The following FAR2 variants were observed in gnomAD, a reference collection of about 807,000 sequenced individuals.
FAR2 encodes fatty acyl-CoA reductase 2.
In FAR2, 19 loss-of-function variants were observed where a neutral mutation model predicts 56.0. The ratio of observed to expected loss-of-function variants is 0.34; its 90% confidence interval spans 0.24 to 0.50. The LOEUF is 0.50. Among genes scored for constraint, FAR2 ranks in the 20% least tolerant of loss-of-function variants. FAR2 has a pLI of 0.98. For missense variants in FAR2, 508 were observed against 642.2 expected, an observed-to-expected ratio of 0.79 and a Z score of 2.26; for synonymous variants, 219 against 218.8, an observed-to-expected ratio of 1.00 and a Z score of -0.01.
At chr12:29,244,063 G>A (rs1380845095) in intron 1 of FAR2, among the ~76,000 whole-genome samples, 1 of 152,214 alleles carries the variant, frequency 6.6e-6, no homozygotes, top group African/African-American at 2.4e-5. Flanking sequence ...CTATTGTGGT[G>A]ATAGTAGACA....
At chr12:29,226,217 T>C (rs1389945279) in intron 1 of FAR2, among the ~76,000 whole-genome samples, 1 of 152,246 alleles carries the variant, frequency 6.6e-6, no homozygotes. Context: ...AAGTTAGATA[T>C]CATTCCGGTT....
chr12:29,264,951 A>G (rs1223802292), intron 1 of FAR2, among the ~76,000 whole-genome samples: 1 of 152,140 alleles, frequency 6.6e-6, no homozygotes, highest in Non-Finnish European at 1.5e-5. Context: ...AAAATTAAAT[A>G]CCTACAAATT....
chr12:29,326,185 T>G (rs1459805622), intron 10 of FAR2, among the ~76,000 whole-genome samples: 1 of 152,046 alleles, frequency 6.6e-6, no homozygotes. Context: ...ACATACACCC[T>G]CCCAAGACTA....
intron 1 of FAR2, among the ~76,000 whole-genome samples, chr12:29,264,582 G>A (rs1187256426): frequency 6.6e-6 from 1 of 150,584 alleles, no homozygotes; most frequent in Non-Finnish European, 1.5e-5. Context: ...TGAGACCAGT[G>A]TGCAGTGTGG....
intron 1 of FAR2, among the ~76,000 whole-genome samples, chr12:29,232,557 G>C (rs1370658675): frequency 6.6e-6 from 1 of 151,972 alleles, no homozygotes; most frequent in Non-Finnish European, 1.5e-5. Flanking sequence ...ATCAAATAGA[G>C]GTTGTTCATT....
chr12:29,217,724 C>A (rs1024863128), intron 1 of FAR2, among the ~76,000 whole-genome samples: 1 of 152,156 alleles, frequency 6.6e-6, no homozygotes, highest in Non-Finnish European at 1.5e-5. Flanking sequence ...AATATATTTA[C>A]TCCCCTTTAT....
intron 1 of FAR2, among the ~76,000 whole-genome samples, chr12:29,239,452 C>G (rs367938521): frequency 1.4e-5 from 2 of 147,834 alleles, no homozygotes; most frequent in African/African-American, 2.5e-5. Context: ...AATGAATCAA[C>G]TGTGTGTGTG....
At position 29,232,374 on chromosome 12, in the gene FAR2, G is replaced by A. The variant is rs150863034; in HGVS notation, c.-38-38038G>A. ...TTAGTCATCTGTCCTTCCCCCACTC[G>A]CATCTTCATGTTCTTTTTTAATTTT... On this transcript the variant is annotated intron_variant, in intron 1 of 11. Coordinates refer to ENST00000536681, the MANE Select transcript of FAR2 (RefSeq NM_001271783.2). 1.7e-3 allele frequency among the ~76,000 whole-genome samples: 254 copies of A among 152,052 alleles called. 2 individuals are homozygous for A. Among genetic ancestry groups the A allele is most frequent in the African/African-American group, 5.7e-3 (236 of 41,468 alleles).
intron 9 of FAR2, among the ~76,000 whole-genome samples, chr12:29,318,519 A>G (rs567993866): frequency 1.2e-4 from 19 of 152,272 alleles, no homozygotes; most frequent in African/African-American, 4.1e-4. Flanking sequence ...ATTTGTGGGA[A>G]ATGGGTTGGT....
chr12:29,196,042 A>C (rs1950140906), intron 1 of FAR2, among the ~76,000 whole-genome samples: 1 of 152,146 alleles, frequency 6.6e-6, no homozygotes, highest in African/African-American at 2.4e-5. Context: ...TCATTTTTTT[A>C]TGGCCAAATA....
intron 1 of FAR2, among the ~76,000 whole-genome samples, chr12:29,180,220 A>G (rs1949979181): frequency 6.6e-6 from 1 of 152,236 alleles, no homozygotes; most frequent in African/African-American, 2.4e-5. Flanking sequence ...GAATGCTTAT[A>G]TGAAGCAAAA....
At position 29,309,239 on chromosome 12, in the gene FAR2, A is replaced by T. The variant is rs201351008; in HGVS notation, c.768+9A>T. On this transcript the variant is annotated intron_variant, in intron 6 of 11. Coordinates refer to ENST00000536681, the MANE Select transcript of FAR2 (RefSeq NM_001271783.2). ...ATGGAATCATTATTGCGGTATGTAT[A>T]ATGATGAAGAAATAACTCCCTGAAA... 1.3e-6 allele frequency: 2 copies of T among 1,587,220 alleles called. No homozygotes were observed. The highest frequency in any genetic ancestry group is 1.7e-6 in the Non-Finnish European group (2 of 1,158,828).
chr12:29,298,923 GAAGT>G (rs1333958180), intron 4 of FAR2, among the ~76,000 whole-genome samples: 3 of 152,180 alleles, frequency 2.0e-5, no homozygotes, highest in African/African-American at 7.2e-5. Context: ...TCAGAGAAAA[GAAGT>G]AAGAGGCCAG....
intron 1 of FAR2, among the ~76,000 whole-genome samples, chr12:29,187,483 A>T (rs1236007645): frequency 1.3e-5 from 2 of 152,152 alleles, no homozygotes; most frequent in Non-Finnish European, 2.9e-5. Flanking sequence ...TAAACACAGC[A>T]AACCATAGAT....
intron 1 of FAR2, among the ~76,000 whole-genome samples, chr12:29,183,365 CAT>C (rs1457508961): frequency 6.6e-6 from 1 of 152,144 alleles, no homozygotes; most frequent in Non-Finnish European, 1.5e-5. Flanking sequence ...GACTCACAAA[CAT>C]AATCTCCAAT....
intron 1 of FAR2, among the ~76,000 whole-genome samples, chr12:29,239,740 C>A (rs532723623): frequency 1.1e-4 from 16 of 152,082 alleles, no homozygotes; most frequent in Non-Finnish European, 1.8e-4. Context: ...AATTTAAAAT[C>A]TGGCAAATCC....
chr12:29,247,205 T>G (rs1350306370), intron 1 of FAR2, among the ~76,000 whole-genome samples: 1 of 152,202 alleles, frequency 6.6e-6, no homozygotes, highest in African/African-American at 2.4e-5. Flanking sequence ...TTTTAGGAAA[T>G]GTAACTTTCC....
chr12:29,280,039 C>T (rs1948762870), intron 2 of FAR2, among the ~76,000 whole-genome samples: 1 of 151,988 alleles, frequency 6.6e-6, no homozygotes, highest in African/African-American at 2.4e-5. Flanking sequence ...ATTCTCCTGC[C>T]TCAGCCTCCC....
chr12:29,307,694 C>A lies in FAR2; in HGVS notation c.582C>A (p.Pro194=), dbSNP rs755943380. ...LDDAIIDEIT[P]KLIRDWPNIY... is the part of the protein sequence containing the mutation. Reference sequence around the variant, plus strand: ...ATGCTATTATTGACGAGATTACACCCAAGCTGATCAGAGATTGGCCCAATA... The same window carrying A: ...ATGCTATTATTGACGAGATTACACCAAAGCTGATCAGAGATTGGCCCAATA... Residue 194 remains proline, a synonymous_variant, in exon 5 of 12, where the codon CCC becomes CCA. Transcript: ENST00000536681. 59 of 1,613,436 alleles carry A rather than the reference C, an allele frequency of 3.7e-5. No individual in the cohort carries two copies. The highest frequency in any genetic ancestry group is 4.8e-5 in the Non-Finnish European group (57 of 1,179,746).
Sources: gnomAD v4.1 joint callset for allele counts (sites outside exome capture counted in the v4.1 genomes callset) on GRCh38, gnomAD v4.1.1 for gene constraint, MANE v1.5 for transcripts, NCBI Gene and HGNC (gene_info 2026-07-23, HGNC 2026-07-21) for gene names.